IQCM: variants seen among roughly 807,000 people sequenced by gnomAD.
IQCM encodes the protein IQ domain-containing protein M.
In IQCM, 45 loss-of-function variants were observed where a neutral mutation model predicts 57.6. That is an observed-to-expected ratio of 0.78 (90% CI 0.62 to 1.00). The LOEUF is 1.00. Ranked by LOEUF, IQCM falls within the 50% of genes least tolerant of loss-of-function variation. IQCM has a pLI of 0.00. For synonymous variants in IQCM, 148 were observed against 158.9 expected (o/e 0.93, Z 0.51); for missense variants, 468 against 511.6 (o/e 0.91, Z 0.82).
In IQCM at chr4:149,616,756, G is replaced by C. The variant is rs528105510; in HGVS notation, c.681+4373C>G. Among the ~76,000 whole-genome samples, 6 of 151,990 alleles carry C rather than the reference G, an allele frequency of 3.9e-5. No individual in the cohort carries two copies. The South Asian group carries it at 1.2e-3, about 32-fold the overall frequency. On this transcript the variant is annotated intron_variant, in intron 8 of 13. Transcript: ENST00000636793. ...CGGCAGCGGGGTGTGGGGAGGGGAG[G>C]GAGAGCATAAGGACAAATAGCTAAT...
intron 12 of IQCM, among the ~76,000 whole-genome samples, chr4:149,449,562 C>T (rs1487865086): frequency 6.6e-6 from 1 of 150,560 alleles, no homozygotes; most frequent in Non-Finnish European, 1.5e-5. Flanking sequence ...TTTCTATATG[C>T]CAACAGTGAA....
At position 149,682,130 on chromosome 4, in the gene IQCM, G is replaced by C. The variant is rs1425660709; in HGVS notation, c.553C>G (p.Leu185Val). ...GTATAAGACTCACCAGGTTCTTTCA[G>C]AAGTTCCAAGTTAGAGGTCCCAGGT... ...LQPGTSNLEL[L>V]KEPDKAFYDW... The change falls in exon 7 of 14, where the codon CTG becomes GTG. Residue 185 changes from leucine to valine, a missense_variant. Leu to Val is a conservative substitution (Grantham distance 32). Coordinates refer to ENST00000636793, the MANE Select transcript of IQCM (RefSeq NM_001363507.2). 5.0e-6 allele frequency: 6 copies of C among 1,210,120 alleles called. No individual in the cohort carries two copies. Among genetic ancestry groups the C allele is most frequent in the Non-Finnish European group, 6.2e-6 (6 of 968,476 alleles). 75.0% of individuals were successfully genotyped at this position (1,210,120 alleles called of 1,614,324 possible). A position where few individuals can be genotyped will look rare whatever the true frequency, so the allele number is the denominator to read the frequency against.
chr4:149,407,260 T>A (rs1043982239), intron 13 of IQCM, among the ~76,000 whole-genome samples: 3 of 152,152 alleles, frequency 2.0e-5, no homozygotes, highest in African/African-American at 7.2e-5. Context: ...GTCTAACAGT[T>A]AATTTTCAAT....
intron 12 of IQCM, among the ~76,000 whole-genome samples, chr4:149,501,220 G>T (rs1743208697): frequency 1.3e-5 from 2 of 152,112 alleles, no homozygotes; most frequent in Admixed American, 6.6e-5. Context: ...AGGAGCTGCA[G>T]AAATATTTTT....
At chr4:149,797,294 G>C (rs1449001855) in intron 2 of IQCM, among the ~76,000 whole-genome samples, 1 of 152,070 alleles carries the variant, frequency 6.6e-6, no homozygotes, top group East Asian at 1.9e-4. Context: ...CTGCACCAGA[G>C]TTCTTTAGTA....
intron 13 of IQCM, among the ~76,000 whole-genome samples, chr4:149,397,086 G>C (rs1732282525): frequency 6.6e-6 from 1 of 151,930 alleles, no homozygotes; most frequent in African/African-American, 2.4e-5. Flanking sequence ...GAATCATGTA[G>C]TAGTTCTATT....
At chr4:149,647,010 T>C (rs1031976691) in intron 7 of IQCM, among the ~76,000 whole-genome samples, 1 of 152,174 alleles carries the variant, frequency 6.6e-6, no homozygotes, top group African/African-American at 2.4e-5. Flanking sequence ...TAATTTTTTG[T>C]GTGTGTTCAC....
chr4:149,583,068 G>C (rs1752354753), intron 9 of IQCM, among the ~76,000 whole-genome samples: 1 of 151,504 alleles, frequency 6.6e-6, no homozygotes, highest in Admixed American at 6.6e-5. Context: ...TATCAAAAAA[G>C]AAAATATTTA....
At chr4:149,464,283 G>A (rs963538778) in intron 12 of IQCM, among the ~76,000 whole-genome samples, 3 of 152,128 alleles carry the variant, frequency 2.0e-5, no homozygotes, top group Admixed American at 2.0e-4. Context: ...TTATATGTTG[G>A]TTTCTAGACT....
chr4:149,615,536 T>C (rs1307741570), intron 8 of IQCM, among the ~76,000 whole-genome samples: 4 of 152,182 alleles, frequency 2.6e-5, no homozygotes, highest in African/African-American at 9.7e-5. Flanking sequence ...AAACATGTGG[T>C]TGCAGAAGTG....
chr4:149,716,731 C>T (rs1210592653), intron 5 of IQCM, among the ~76,000 whole-genome samples: 28 of 152,190 alleles, frequency 1.8e-4, no homozygotes, highest in Non-Finnish European at 1.5e-5. Context: ...ACAAAGACTT[C>T]CCCAGTTTGG....
chr4:149,581,152 A>G (rs1752140415), intron 9 of IQCM, among the ~76,000 whole-genome samples: 1 of 151,682 alleles, frequency 6.6e-6, no homozygotes. Context: ...ATAGTATGTC[A>G]TGGCAGGTGG....
intron 13 of IQCM, among the ~76,000 whole-genome samples, chr4:149,365,091 C>T (rs959956623): frequency 5.3e-5 from 8 of 152,118 alleles, no homozygotes; most frequent in African/African-American, 1.9e-4. Flanking sequence ...GCAATGAGCA[C>T]ATCCAGTTTC....
chr4:149,375,724 C>T (rs1730664406), intron 13 of IQCM, among the ~76,000 whole-genome samples: 1 of 152,020 alleles, frequency 6.6e-6, no homozygotes, highest in Admixed American at 6.6e-5. Flanking sequence ...TTCATTGATT[C>T]TTCCTCCCGG....
At chr4:149,479,904 C>T (rs112524087) in intron 12 of IQCM, among the ~76,000 whole-genome samples, 103 of 152,216 alleles carry the variant, frequency 6.8e-4, no homozygotes, top group African/African-American at 2.3e-3. Flanking sequence ...TGTCATATGC[C>T]CAGACCTTTA....
intron 13 of IQCM, among the ~76,000 whole-genome samples, chr4:149,416,991 A>G (rs977283552): frequency 8.5e-5 from 13 of 152,182 alleles, no homozygotes; most frequent in Non-Finnish European, 1.5e-4. Context: ...AATATATAAA[A>G]TAACTGAGGA....
intron 10 of IQCM, among the ~76,000 whole-genome samples, chr4:149,555,042 G>A (rs1446767909): frequency 6.6e-6 from 1 of 151,958 alleles, no homozygotes; most frequent in Non-Finnish European, 1.5e-5. Flanking sequence ...GTTATTTTCT[G>A]TTTATGTGAA....
chr4:149,730,069 C>T (rs1766319507), intron 5 of IQCM, among the ~76,000 whole-genome samples: 1 of 152,152 alleles, frequency 6.6e-6, no homozygotes, highest in Admixed American at 6.6e-5. Context: ...GGTCTAGATT[C>T]CAACTTATTG....
At chr4:149,367,286 CA>C (rs1276192753) in intron 13 of IQCM, among the ~76,000 whole-genome samples, 1 of 151,964 alleles carries the variant, frequency 6.6e-6, no homozygotes, top group Non-Finnish European at 1.5e-5. Context: ...GCCCTGTATA[CA>C]AACAAAACAC....
Sources: allele counts gnomAD v4.1 joint callset (sites outside exome capture counted in the v4.1 genomes callset), GRCh38; gene constraint gnomAD v4.1.1; transcripts MANE v1.5; gene names NCBI Gene and HGNC (gene_info 2026-07-23, HGNC 2026-07-21).